The following RALYL variants were observed in gnomAD, a reference collection of about 807,000 sequenced individuals.
The protein encoded by RALYL is RALY RNA binding protein like, also known as RNA-binding Raly-like protein.
RALYL carries 29 observed loss-of-function variants against 35.1 expected under a neutral mutation model. The ratio of observed to expected loss-of-function variants is 0.83; its 90% CI spans 0.61 to 1.13. The LOEUF (loss-of-function observed/expected upper bound fraction) is 1.13. Among genes scored for constraint, RALYL ranks in the 50% most tolerant of loss-of-function variants. The probability of loss-of-function intolerance (pLI) is 0.00; values close to 1 mark genes in which losing one functional copy is unlikely to be tolerated. For missense variants in RALYL, 359 were observed against 360.4 expected, an observed-to-expected ratio of 1.00 and a Z score of 0.03; for synonymous variants, 120 against 127.6, an observed-to-expected ratio of 0.94 and a Z score of 0.40.
intron 2 of RALYL, among the ~76,000 whole-genome samples, chr8:84,751,202 A>G (rs1809901177): frequency 6.6e-6 from 1 of 151,932 alleles, no homozygotes; most frequent in South Asian, 2.1e-4. Flanking sequence ...TCCCTCAAAA[A>G]TGCTCTGGTT....
At chr8:84,299,083 G>C (rs75676720) in intron 1 of RALYL, among the ~76,000 whole-genome samples, 218 of 152,098 alleles carry the variant, frequency 1.4e-3, no homozygotes, top group African/African-American at 5.2e-3. Flanking sequence ...AGGACTTGCA[G>C]TACTATGTTG....
intron 8 of RALYL, among the ~76,000 whole-genome samples, chr8:84,910,310 G>C (rs879920710): frequency 6.6e-6 from 1 of 152,046 alleles, no homozygotes; most frequent in Non-Finnish European, 1.5e-5. Context: ...TGAAGAAAAA[G>C]ATGTCAGAGA....
intron 8 of RALYL, among the ~76,000 whole-genome samples, chr8:84,920,027 AC>A (rs1487516365): frequency 1.3e-5 from 2 of 152,130 alleles, no homozygotes; most frequent in Non-Finnish European, 2.9e-5. Flanking sequence ...TGTATCATGG[AC>A]TTCAAAGCTT....
chr8:84,486,178 C>T (rs2054602317), intron 1 of RALYL, among the ~76,000 whole-genome samples: 1 of 150,732 alleles, frequency 6.6e-6, no homozygotes, highest in Non-Finnish European at 1.5e-5. Context: ...CTCACCTATA[C>T]AACAAGAATA....
chr8:84,411,669 C>A (rs993739687), intron 1 of RALYL, among the ~76,000 whole-genome samples: 2 of 151,934 alleles, frequency 1.3e-5, no homozygotes, highest in Non-Finnish European at 2.9e-5. Flanking sequence ...TAACTATTAT[C>A]TATCTTTTCC....
chr8:84,317,581 C>G (rs988718031), intron 1 of RALYL, among the ~76,000 whole-genome samples: 8 of 152,172 alleles, frequency 5.3e-5, no homozygotes, highest in African/African-American at 1.9e-4. Context: ...GTTTCTAAAG[C>G]AATAACCAAC....
chr8:84,631,233 A>C (rs73296164), intron 2 of RALYL, among the ~76,000 whole-genome samples: 3,182 of 152,070 alleles, frequency 0.021, 129 homozygotes, highest in African/African-American at 0.073. Context: ...ATTGTCCAAG[A>C]AAAGAAATAT....
chr8:84,331,231 A>G (rs1436189355), intron 1 of RALYL, among the ~76,000 whole-genome samples: 1 of 152,066 alleles, frequency 6.6e-6, no homozygotes, highest in Non-Finnish European at 1.5e-5. Flanking sequence ...TAGCCACCAT[A>G]ATATTGATCT....
At chr8:84,586,679 T>A (rs1457026800) in intron 2 of RALYL, among the ~76,000 whole-genome samples, 2 of 152,186 alleles carry the variant, frequency 1.3e-5, no homozygotes, top group Non-Finnish European at 2.9e-5. Flanking sequence ...AAAATCATAC[T>A]AAGCAATGTT....
At chr8:84,224,644 T>A (rs959881291) in intron 1 of RALYL, among the ~76,000 whole-genome samples, 1 of 149,964 alleles carries the variant, frequency 6.7e-6, no homozygotes, top group African/African-American at 2.5e-5. Flanking sequence ...TTTAATGGAT[T>A]ATTAACTTCA....
chr8:84,720,238 C>T (rs1179909441), intron 2 of RALYL, among the ~76,000 whole-genome samples: 1 of 152,102 alleles, frequency 6.6e-6, no homozygotes, highest in Non-Finnish European at 1.5e-5. Flanking sequence ...AGAGTCATTA[C>T]ACTACCTGAC....
At chr8:84,642,432 A>G (rs1826572657) in intron 2 of RALYL, among the ~76,000 whole-genome samples, 1 of 151,942 alleles carries the variant, frequency 6.6e-6, no homozygotes, top group Admixed American at 6.6e-5. Context: ...TCCAATGTTT[A>G]CATTCTAGAT....
At chr8:84,520,570 AGGTATC>A (rs1388502059) in intron 1 of RALYL, among the ~76,000 whole-genome samples, 55 of 152,296 alleles carry the variant, frequency 3.6e-4, no homozygotes, top group African/African-American at 9.4e-4. Context: ...GGCTCCAGAC[AGGTATC>A]GGTCTGTCAC....
At chr8:84,295,726 A>T (rs1839633598) in intron 1 of RALYL, among the ~76,000 whole-genome samples, 1 of 152,140 alleles carries the variant, frequency 6.6e-6, no homozygotes, top group Non-Finnish European at 1.5e-5. Flanking sequence ...AAGCTTGCAC[A>T]ATATATGAAA....
intron 2 of RALYL, among the ~76,000 whole-genome samples, chr8:84,551,819 C>A (rs1296326608): frequency 6.6e-6 from 1 of 152,046 alleles, no homozygotes; most frequent in South Asian, 2.1e-4. Context: ...TAAAGCTATG[C>A]CATTTTTACC....
chr8:84,894,709 C>G (rs994991686), intron 8 of RALYL, among the ~76,000 whole-genome samples: 3 of 152,194 alleles, frequency 2.0e-5, no homozygotes, highest in Non-Finnish European at 2.9e-5. Context: ...CAGCTTTCCA[C>G]CTGGAATCCC....
intron 3 of RALYL, among the ~76,000 whole-genome samples, chr8:84,786,919 A>G (rs1390686824): frequency 6.6e-6 from 1 of 152,224 alleles, no homozygotes; most frequent in Non-Finnish European, 1.5e-5. Context: ...AAAACTACTT[A>G]ACAAATAAAA....
At chr8:84,793,312 T>C (rs916065369) in intron 3 of RALYL, among the ~76,000 whole-genome samples, 1 of 152,126 alleles carries the variant, frequency 6.6e-6, no homozygotes, top group African/African-American at 2.4e-5. Flanking sequence ...AGGAAGCAAC[T>C]AGTGAGGTAG....
intron 2 of RALYL, among the ~76,000 whole-genome samples, chr8:84,638,740 C>T (rs910055986): frequency 6.6e-6 from 1 of 150,794 alleles, no homozygotes; most frequent in Admixed American, 6.6e-5. Flanking sequence ...CCAAGTTAAA[C>T]AATGAGCAGA....
Sources: allele counts gnomAD v4.1 joint callset (sites outside exome capture counted in the v4.1 genomes callset), GRCh38; gene constraint gnomAD v4.1.1; transcripts MANE v1.5; gene names NCBI Gene and HGNC (gene_info 2026-07-23, HGNC 2026-07-21).